Variants in MACROD2 observed in about 807,000 individuals in gnomAD.
MACROD2 encodes the protein ADP-ribose glycohydrolase MACROD2.
A neutral mutation model predicts 70.4 loss-of-function variants in MACROD2; 36 were observed. The ratio of observed to expected loss-of-function variants is 0.51; its 90% CI spans 0.39 to 0.68. The LOEUF (loss-of-function observed/expected upper bound fraction) is 0.68, where lower values mean the gene tolerates loss of function less well. MACROD2 is among the 30% of genes least tolerant of loss of function. MACROD2 has a pLI of 0.00. For missense variants in MACROD2, 496 were observed against 538.4 expected, an observed-to-expected ratio of 0.92 and a Z score of 0.78; for synonymous variants, 172 against 178.8, an observed-to-expected ratio of 0.96 and a Z score of 0.30.
In MACROD2 at chr20:15,857,737, A is replaced by C. The variant is rs562579312; in HGVS notation, c.646-5008A>C. Among the ~76,000 whole-genome samples, 3 of 152,324 alleles carry C rather than the reference A, an allele frequency of 2.0e-5. No homozygotes were observed. The South Asian group carries it at 6.2e-4, about 32-fold the overall frequency. ...ACTAACTTTTGACATAGACTGTAAC[A>C]GAGGCATAGAAAGAAAGAAAGAAAA... On this transcript the variant is annotated intron_variant, in intron 8 of 17. Coordinates refer to ENST00000684519, the MANE Select transcript of MACROD2 (RefSeq NM_001351661.2).
intron 2 of MACROD2, among the ~76,000 whole-genome samples, chr20:14,052,699 AT>A (rs897468752): frequency 2.0e-4 from 30 of 147,732 alleles, no homozygotes; most frequent in Admixed American, 7.4e-4. Flanking sequence ...TTGCAAACAG[AT>A]TTTTTTTTTT....
chr20:14,050,558 A>G (rs2053552319), intron 2 of MACROD2, among the ~76,000 whole-genome samples: 1 of 152,198 alleles, frequency 6.6e-6, no homozygotes, highest in African/African-American at 2.4e-5. Context: ...CTGGAACACT[A>G]TTCACAAATT....
chr20:14,280,059 C>A (rs1040137441), intron 3 of MACROD2, among the ~76,000 whole-genome samples: 2 of 152,160 alleles, frequency 1.3e-5, no homozygotes, highest in Non-Finnish European at 2.9e-5. Flanking sequence ...GTGTTTATTA[C>A]TGAATATAGT....
chr20:14,284,406 C>G (rs1680111593), intron 3 of MACROD2, among the ~76,000 whole-genome samples: 1 of 152,154 alleles, frequency 6.6e-6, no homozygotes, highest in Non-Finnish European at 1.5e-5. Flanking sequence ...GTCACCATTG[C>G]CATTTGAAAC....
At chr20:15,520,422 C>T (rs1240318216) in intron 8 of MACROD2, among the ~76,000 whole-genome samples, 2 of 152,230 alleles carry the variant, frequency 1.3e-5, no homozygotes, top group Non-Finnish European at 2.9e-5. Context: ...AAAGTGAATG[C>T]AGTGATAACT....
intron 5 of MACROD2, among the ~76,000 whole-genome samples, chr20:14,857,913 C>T (rs886243687): frequency 2.0e-5 from 3 of 152,012 alleles, no homozygotes; most frequent in Admixed American, 6.6e-5. Flanking sequence ...CTCCGCCTCC[C>T]GGGTTCAAGC....
intron 5 of MACROD2, among the ~76,000 whole-genome samples, chr20:14,733,141 C>G (rs2071618035): frequency 6.6e-6 from 1 of 152,170 alleles, no homozygotes; most frequent in Admixed American, 6.6e-5. Context: ...GTTTAACACA[C>G]TGCTTTAAAA....
chr20:14,977,850 G>A (rs538186545), intron 5 of MACROD2, among the ~76,000 whole-genome samples: 20 of 152,262 alleles, frequency 1.3e-4, no homozygotes, highest in Non-Finnish European at 2.8e-4. Flanking sequence ...ATGGCTTGGT[G>A]TATGGATAAT....
At chr20:15,378,154 AAGAG>A (rs10534893) in intron 6 of MACROD2, among the ~76,000 whole-genome samples, 14 of 149,558 alleles carry the variant, frequency 9.4e-5, no homozygotes, top group East Asian at 2.0e-4. Context: ...AAAATAAAAG[AAGAG>A]AGAGAGAGAG....
chr20:15,241,904 T>C (rs1017072900), intron 6 of MACROD2, among the ~76,000 whole-genome samples: 1 of 152,182 alleles, frequency 6.6e-6, no homozygotes, highest in African/African-American at 2.4e-5. Flanking sequence ...ACATGTTCTG[T>C]TGCTCACAAT....
chr20:14,552,997 C>T (rs1978764639), intron 4 of MACROD2, among the ~76,000 whole-genome samples: 1 of 151,834 alleles, frequency 6.6e-6, no homozygotes, highest in Admixed American at 6.6e-5. Flanking sequence ...TTTTTCTTTC[C>T]CCAATAATAA....
At chr20:14,822,221 AAAG>A (rs2072853799) in intron 5 of MACROD2, among the ~76,000 whole-genome samples, 1 of 152,106 alleles carries the variant, frequency 6.6e-6, no homozygotes, top group African/African-American at 2.4e-5. Flanking sequence ...TGATTTTTTA[AAAG>A]AATTATACCT....
intron 5 of MACROD2, among the ~76,000 whole-genome samples, chr20:14,808,371 G>C (rs1477470650): frequency 2.0e-5 from 3 of 152,022 alleles, no homozygotes; most frequent in Non-Finnish European, 4.4e-5. Flanking sequence ...ATCCTTTACA[G>C]ACAAGCACAT....
intron 8 of MACROD2, among the ~76,000 whole-genome samples, chr20:15,735,541 T>C (rs920798439): frequency 2.6e-5 from 4 of 152,322 alleles, no homozygotes; most frequent in African/African-American, 9.6e-5. Context: ...GCTGTTTCAT[T>C]TGAAACAGTT....
intron 7 of MACROD2, among the ~76,000 whole-genome samples, chr20:15,475,778 G>A (rs1400654417): frequency 6.6e-6 from 1 of 152,192 alleles, no homozygotes; most frequent in Non-Finnish European, 1.5e-5. Flanking sequence ...GTGCACTGTG[G>A]CTGCTGCAGG....
At chr20:16,021,514 G>A (rs1234359865) in intron 15 of MACROD2, among the ~76,000 whole-genome samples, 3 of 152,162 alleles carry the variant, frequency 2.0e-5, no homozygotes, top group East Asian at 1.9e-4. Flanking sequence ...CAGGCAAAGC[G>A]AGCTCCAGAA....
At chr20:14,413,098 A>G (rs1203364130) in intron 3 of MACROD2, among the ~76,000 whole-genome samples, 4 of 151,992 alleles carry the variant, frequency 2.6e-5, no homozygotes, top group African/African-American at 9.7e-5. Flanking sequence ...GGAGCCAGCT[A>G]TACTATTATT....
At chr20:14,412,255 T>G (rs180960141) in intron 3 of MACROD2, among the ~76,000 whole-genome samples, 15 of 152,222 alleles carry the variant, frequency 9.9e-5, no homozygotes, top group Admixed American at 2.0e-4. Context: ...GGAATTCCCG[T>G]CCCCCCTAGG....
At chr20:15,475,434 G>A (rs902618849) in intron 7 of MACROD2, among the ~76,000 whole-genome samples, 2 of 152,234 alleles carry the variant, frequency 1.3e-5, no homozygotes, top group Non-Finnish European at 2.9e-5. Context: ...AGGAATGAAA[G>A]GTGGGGACAA....
Sources: gnomAD v4.1 joint callset for allele counts (sites outside exome capture counted in the v4.1 genomes callset) on GRCh38, gnomAD v4.1.1 for gene constraint, MANE v1.5 for transcripts, NCBI Gene and HGNC (gene_info 2026-07-23, HGNC 2026-07-21) for gene names.